PPARGC1A: variants seen among roughly 807,000 people sequenced by gnomAD.
PPARGC1A encodes the protein PPARG coactivator 1 alpha, also known as peroxisome proliferator-activated receptor gamma coactivator 1-alpha.
PPARGC1A carries 25 observed loss-of-function variants against 88.7 expected under a neutral mutation model. The ratio of observed to expected loss-of-function variants is 0.28; its 90% CI spans 0.21 to 0.39. The LOEUF (loss-of-function observed/expected upper bound fraction) is 0.39. Among genes scored for constraint, PPARGC1A ranks in the 10% least tolerant of loss-of-function variants. The pLI, the probability that PPARGC1A is intolerant of heterozygous loss-of-function variation, is 1.00. For synonymous variants in PPARGC1A, 363 were observed against 355.6 expected (o/e 1.02, Z -0.24); for missense variants, 880 against 968.7 (o/e 0.91, Z 1.22).
chr4:23,976,100 GTT>G, the PPARGC1A span, among the ~76,000 whole-genome samples: 1 of 152,212 alleles, frequency 6.6e-6, no homozygotes, highest in African/African-American at 2.4e-5. Context: ...GTCAGGTGTG[GTT>G]TAGCAAATAT....
At chr4:24,331,785 A>ATATT in the PPARGC1A span, among the ~76,000 whole-genome samples, 2 of 150,372 alleles carry the variant, frequency 1.3e-5, no homozygotes, top group Admixed American at 6.6e-5. Context: ...ATATATATAT[A>ATATT]TTTTAAGTTC....
chr4:24,223,806 G>C, the PPARGC1A span, among the ~76,000 whole-genome samples: 1 of 152,150 alleles, frequency 6.6e-6, no homozygotes, highest in Non-Finnish European at 1.5e-5. Flanking sequence ...TAGGGCTAAA[G>C]TAGAAAGGAC....
At chr4:24,210,189 T>C in the PPARGC1A span, among the ~76,000 whole-genome samples, 6 of 152,186 alleles carry the variant, frequency 3.9e-5, no homozygotes, top group Non-Finnish European at 8.8e-5. Flanking sequence ...AATCTAATTA[T>C]GAATGTTCCA....
At chr4:23,859,799 A>G (rs1366967118) in intron 2 of PPARGC1A, among the ~76,000 whole-genome samples, 1,012 of 22,856 alleles carry the variant, frequency 0.044, 28 homozygotes, top group African/African-American at 0.21. Context: ...ATAAAATAAA[A>G]TAAAATAAAA....
chr4:24,105,725 G>A, the PPARGC1A span, among the ~76,000 whole-genome samples: 1 of 152,212 alleles, frequency 6.6e-6, no homozygotes, highest in Non-Finnish European at 1.5e-5. Context: ...TAAAGGAAGA[G>A]AGGCTTGAAA....
chr4:24,186,685 A>ACCCATTGGAG, the PPARGC1A span, among the ~76,000 whole-genome samples: 21 of 152,116 alleles, frequency 1.4e-4, no homozygotes, highest in East Asian at 3.5e-3. Context: ...GTTTTTGAGT[A>ACCCATTGGAG]CCCATTGGAG....
chr4:23,934,092 G>A, the PPARGC1A span, among the ~76,000 whole-genome samples: 8 of 152,186 alleles, frequency 5.3e-5, no homozygotes, highest in African/African-American at 1.9e-4. Flanking sequence ...TTTTAAAGGA[G>A]CACCCACAAG....
At chr4:24,182,834 G>T in the PPARGC1A span, among the ~76,000 whole-genome samples, 1 of 152,086 alleles carries the variant, frequency 6.6e-6, no homozygotes, top group African/African-American at 2.4e-5. Context: ...AAGATATTTA[G>T]GATAATTCTG....
chr4:24,259,744 T>C, the PPARGC1A span, among the ~76,000 whole-genome samples: 1 of 152,196 alleles, frequency 6.6e-6, no homozygotes, highest in African/African-American at 2.4e-5. Flanking sequence ...AATCACAGCA[T>C]TAAACTAGGT....
At chr4:24,069,375 C>T in the PPARGC1A span, among the ~76,000 whole-genome samples, 1 of 152,176 alleles carries the variant, frequency 6.6e-6, no homozygotes, top group Non-Finnish European at 1.5e-5. Context: ...CTCTCCCAGC[C>T]CTACCCATCA....
chr4:23,983,196 A>G, the PPARGC1A span, among the ~76,000 whole-genome samples: 23 of 152,134 alleles, frequency 1.5e-4, no homozygotes, highest in Admixed American at 1.2e-3. Flanking sequence ...ACTTCAGATT[A>G]TTATTGTAAA....
At chr4:24,179,243 A>G in the PPARGC1A span, among the ~76,000 whole-genome samples, 1 of 152,206 alleles carries the variant, frequency 6.6e-6, no homozygotes, top group African/African-American at 2.4e-5. Flanking sequence ...CCAAGGTGAC[A>G]TATTTGCCAA....
chr4:23,828,300 G>A (rs1276664095), intron 5 of PPARGC1A, 100 bp downstream of exon 5: 1 of 1,242,778 alleles, frequency 8.0e-7, no homozygotes, highest in African/African-American at 1.5e-5. Flanking sequence ...GAGTGACGCT[G>A]ATGGGACGGA....
chr4:23,850,282 C>CATTG (rs1398026415), intron 2 of PPARGC1A, among the ~76,000 whole-genome samples: 2 of 152,182 alleles, frequency 1.3e-5, no homozygotes, highest in Admixed American at 6.5e-5. Flanking sequence ...GCTTCTTATA[C>CATTG]ATTGCCAAGA....
chr4:24,026,029 C>T, the PPARGC1A span, among the ~76,000 whole-genome samples: 1 of 152,224 alleles, frequency 6.6e-6, no homozygotes, highest in African/African-American at 2.4e-5. Flanking sequence ...GTCTGCCCTA[C>T]ATCTTTAAAA....
At chr4:24,310,483 A>G in the PPARGC1A span, among the ~76,000 whole-genome samples, 7 of 152,166 alleles carry the variant, frequency 4.6e-5, no homozygotes, top group Non-Finnish European at 8.8e-5. Flanking sequence ...CTGATTTAAG[A>G]AGAGAGAGAG....
the PPARGC1A span, among the ~76,000 whole-genome samples, chr4:24,272,762 T>C: frequency 3.3e-5 from 5 of 152,310 alleles, no homozygotes; most frequent in East Asian, 7.7e-4. Flanking sequence ...AGACTGCTAA[T>C]TAAGGAACTG....
the PPARGC1A span, among the ~76,000 whole-genome samples, chr4:24,457,853 G>A: frequency 3.9e-4 from 59 of 152,242 alleles, no homozygotes; most frequent in Non-Finnish European, 7.6e-4. Context: ...GTGAGCCACC[G>A]TGCCTGACCG....
the PPARGC1A span, among the ~76,000 whole-genome samples, chr4:23,922,620 T>C: frequency 6.6e-6 from 1 of 152,218 alleles, no homozygotes; most frequent in Non-Finnish European, 1.5e-5. Context: ...AGGCGGAGGT[T>C]TCTGCTGGCA....
Sources: allele counts gnomAD v4.1 joint callset (sites outside exome capture counted in the v4.1 genomes callset), GRCh38; gene constraint gnomAD v4.1.1; transcripts MANE v1.5; gene names NCBI Gene and HGNC (gene_info 2026-07-23, HGNC 2026-07-21).